GGTA1: variants seen among roughly 807,000 people sequenced by gnomAD.
The protein encoded by GGTA1 is glycoprotein alpha-galactosyltransferase 1 (inactive).
GGTA1 carries 5 observed loss-of-function variants against 2.6 expected under a neutral mutation model. The observed-to-expected ratio is 1.92, with a 90% CI of 1.00 to 4.04. The LOEUF (loss-of-function observed/expected upper bound fraction) is 4.04. Ranked by LOEUF, GGTA1 falls within the 30% of genes most tolerant of loss-of-function variation. GGTA1 has a pLI of 0.00. For missense variants in GGTA1, 50 were observed against 16.7 expected, an observed-to-expected ratio of 2.99 and a Z score of -3.47; for synonymous variants, 17 against 5.0, an observed-to-expected ratio of 3.38 and a Z score of -3.19.
At chr9:121,474,852 C>T (rs578031771) in intron 1 of GGTA1, among the ~76,000 whole-genome samples, 126 of 152,344 alleles carry the variant, frequency 8.3e-4, no homozygotes, top group African/African-American at 2.8e-3. Flanking sequence ...AAGAATTCTC[C>T]TCCCAGCCTG....
intron 1 of GGTA1, among the ~76,000 whole-genome samples, chr9:121,487,101 C>T (rs934773857): frequency 5.9e-5 from 9 of 152,180 alleles, no homozygotes; most frequent in Non-Finnish European, 1.3e-4. Flanking sequence ...CCCAGGTTGT[C>T]GGGCACACAG....
chr9:121,497,617 G>C (rs946735907), intron 1 of GGTA1, among the ~76,000 whole-genome samples: 14 of 152,164 alleles, frequency 9.2e-5, no homozygotes, highest in African/African-American at 3.4e-4. Flanking sequence ...GCAGGGACGG[G>C]CGCAGAATGG....
chr9:121,477,810 C>G (rs1828547565), intron 1 of GGTA1, among the ~76,000 whole-genome samples: 1 of 151,976 alleles, frequency 6.6e-6, no homozygotes, highest in Non-Finnish European at 1.5e-5. Context: ...GATTTCCTGA[C>G]CTCGTGATCT....
At chr9:121,447,515 T>C (rs1310180849) in exon 8 of GGTA1, 1 of 152,504 alleles carries the variant, frequency 6.6e-6, no homozygotes, top group Admixed American at 6.5e-5. Context: ...TCATCCACCA[T>C]GATGTAAAAT....
intron 1 of GGTA1, among the ~76,000 whole-genome samples, chr9:121,479,597 G>T (rs774578759): frequency 6.6e-6 from 1 of 152,114 alleles, no homozygotes; most frequent in Non-Finnish European, 1.5e-5. Flanking sequence ...CACCAAGGGG[G>T]CCCACATCAC....
At chr9:121,481,152 CAAAAAAAAAAAA>C (rs56784223) in intron 1 of GGTA1, among the ~76,000 whole-genome samples, 2 of 78,560 alleles carry the variant, frequency 2.5e-5, no homozygotes, top group African/African-American at 9.8e-5. Flanking sequence ...GACACCATCT[CAAAAAAAAAAAA>C]AAAAAAAAAA....
intron 1 of GGTA1, among the ~76,000 whole-genome samples, chr9:121,480,061 C>CTT (rs532547013): frequency 7.2e-6 from 1 of 139,826 alleles, no homozygotes; most frequent in African/African-American, 2.6e-5. Context: ...CTTTTCTTTT[C>CTT]TTTTTTTTTT....
At chr9:121,480,291 C>T (rs1828614389) in intron 1 of GGTA1, among the ~76,000 whole-genome samples, 1 of 151,986 alleles carries the variant, frequency 6.6e-6, no homozygotes, top group Admixed American at 6.6e-5. Context: ...CTCTTGACCT[C>T]GTGATCCGCC....
At chr9:121,495,859 T>C (rs1009693362) in intron 1 of GGTA1, among the ~76,000 whole-genome samples, 2 of 152,358 alleles carry the variant, frequency 1.3e-5, no homozygotes, top group East Asian at 1.9e-4. Context: ...CTTGGACTTG[T>C]TGAGTTTGCA....
chr9:121,445,329 GTTT>G (rs2064847667), exon 8 of GGTA1: 1 of 151,166 alleles, frequency 6.6e-6, no homozygotes, highest in South Asian at 2.1e-4. Context: ...CTAATTCAGG[GTTT>G]TTGTTTTGTT....
downstream of GGTA1, among the ~76,000 whole-genome samples, chr9:121,454,693 C>G (rs534181172): frequency 2.0e-5 from 3 of 152,202 alleles, no homozygotes; most frequent in Admixed American, 2.0e-4. Flanking sequence ...CCAGGTTTGT[C>G]CAGATCTAAA....
At chr9:121,498,407 T>C (rs10985275) in intron 1 of GGTA1, among the ~76,000 whole-genome samples, 12,048 of 152,254 alleles carry the variant, frequency 0.079, 999 homozygotes, top group East Asian at 0.27. Context: ...AGAAAGTGCC[T>C]GATGTAGTCA....
At chr9:121,487,268 T>C (rs1345699630) in intron 1 of GGTA1, among the ~76,000 whole-genome samples, 1 of 152,108 alleles carries the variant, frequency 6.6e-6, no homozygotes, top group Non-Finnish European at 1.5e-5. Context: ...CCTCTGCCCC[T>C]GAGCCTCACG....
intron 3 of GGTA1, 72 bp from the exon 4 acceptor site, chr9:121,461,389 T>G (rs2064959835): frequency 7.1e-6 from 3 of 420,904 alleles, no homozygotes; most frequent in Non-Finnish European, 1.4e-5. Flanking sequence ...TCCAAATTCT[T>G]TCTATAGCCG....
chr9:121,459,319 T>C, intron 5 of GGTA1, among the ~76,000 whole-genome samples: 1 of 152,158 alleles, frequency 6.6e-6, no homozygotes, highest in South Asian at 2.1e-4. Flanking sequence ...TAGCTGGCCG[T>C]GGTGGCGCAC....
rs574412213 is a variant in GGTA1, at chr9:121,496,282, A to G, written c.-10+3368T>C. Among the ~76,000 whole-genome samples, 10 of 152,246 alleles carry G rather than the reference A, an allele frequency of 6.6e-5. No homozygotes were observed. The East Asian group carries it at 1.9e-3, about 29-fold the overall frequency. On this transcript the variant is annotated intron_variant, in intron 1 of 5. Transcript: ENST00000481799. ...AACATATTAGTGCCCAGAAATCCCT[A>G]TTCCTGAGGTCATTATTCCAACCAC...
At chr9:121,448,683 G>A (rs533150970) in intron 7 of GGTA1, among the ~76,000 whole-genome samples, 1 of 152,294 alleles carries the variant, frequency 6.6e-6, no homozygotes, top group African/African-American at 2.4e-5. Context: ...TATGTTCACA[G>A]AAAAATTGCG....
chr9:121,493,945 C>T (rs1399148738), intron 1 of GGTA1, among the ~76,000 whole-genome samples: 2 of 151,786 alleles, frequency 1.3e-5, no homozygotes, highest in Admixed American at 6.6e-5. Flanking sequence ...TCAGTAGAGA[C>T]GGGGTTTTGC....
intron 4 of GGTA1, among the ~76,000 whole-genome samples, chr9:121,460,932 T>A (rs901398056): frequency 1.4e-4 from 22 of 151,944 alleles, no homozygotes; most frequent in African/African-American, 5.1e-4. Context: ...GACTTATTTA[T>A]CTGGATGTGG....
Sources: allele counts gnomAD v4.1 joint callset (sites outside exome capture counted in the v4.1 genomes callset), GRCh38; gene constraint gnomAD v4.1.1; transcripts MANE v1.5; gene names NCBI Gene and HGNC (gene_info 2026-07-23, HGNC 2026-07-21).